Variants in TNNT3 observed in about 807,000 individuals in gnomAD.
TNNT3 encodes the protein troponin T, fast skeletal muscle.
Under a neutral mutation model 54.2 loss-of-function variants are expected in TNNT3, and 36 were observed. That is an observed-to-expected ratio of 0.66 (90% CI 0.51 to 0.88). The LOEUF is 0.88. TNNT3 is among the 40% of genes least tolerant of loss of function. The pLI, the probability that TNNT3 is intolerant of heterozygous loss-of-function variation, is 0.00. For missense variants in TNNT3, 291 were observed against 331.6 expected (o/e 0.88, Z 0.95); for synonymous variants, 120 against 109.7 (o/e 1.09, Z -0.59).
At chr11:1,936,158 C>A in intron 14 of TNNT3, 15 of 1,601,846 alleles carry the variant, frequency 9.4e-6, no homozygotes, top group Non-Finnish European at 1.3e-5. Flanking sequence ...AGCCCACAGC[C>A]GGGCCTCGAT....
chr11:1,937,996 G>A (rs1398764777), intron 15 of TNNT3, among the ~76,000 whole-genome samples: 1 of 152,144 alleles, frequency 6.6e-6, no homozygotes, highest in Non-Finnish European at 1.5e-5. Context: ...CCCCTCACCC[G>A]CACCCAGCTC....
chr11:1,936,091 G>C, intron 14 of TNNT3: 1 of 1,049,252 alleles, frequency 9.5e-7, no homozygotes, highest in Admixed American at 1.9e-5. Context: ...GGATAGATGC[G>C]GCCACAGCGG....
intron 4 of TNNT3, among the ~76,000 whole-genome samples, chr11:1,924,529 T>C (rs1850967971): frequency 1.3e-5 from 2 of 152,352 alleles, no homozygotes; most frequent in Non-Finnish European, 1.5e-5. Flanking sequence ...AAAACATTTA[T>C]TTTTCTGCCG....
At chr11:1,924,545 G>T (rs1463743700) in intron 4 of TNNT3, among the ~76,000 whole-genome samples, 1 of 152,256 alleles carries the variant, frequency 6.6e-6, no homozygotes, top group Non-Finnish European at 1.5e-5. Context: ...TGCCGAAAAG[G>T]TGGAAAGACT....
rs1041249353 is a variant in TNNT3 at position 1,925,354 on chromosome 11, G to T, written c.67+238G>T. 5 of 1,503,460 alleles carry T rather than the reference G, an allele frequency of 3.3e-6. No individual in the cohort carries two copies. In the African/African-American group the frequency reaches 7.0e-5, roughly 21 times the overall value. 93.1% of individuals were successfully genotyped at this position (1,503,460 alleles called of 1,614,324 possible). A position where few individuals can be genotyped will look rare whatever the true frequency, so the allele number is the denominator to read the frequency against. ...AGCCCATGTGGGGGTGGGGGAGAGG[G>T]GGAGAGGGTGGGGAAGCCACGAGGT... On this transcript the variant is annotated intron_variant, in intron 5 of 15. Coordinates refer to ENST00000278317, the MANE Select transcript of TNNT3 (RefSeq NM_006757.4).
chr11:1,920,938 G>T (rs1849963785), intron 1 of TNNT3, among the ~76,000 whole-genome samples: 1 of 152,146 alleles, frequency 6.6e-6, no homozygotes, highest in Admixed American at 6.5e-5. Flanking sequence ...CAGAAAACCA[G>T]GTGCCTCAGT....
At chr11:1,932,581 C>A (rs1203807315) in intron 9 of TNNT3, 67 bp downstream of exon 9, 3 of 1,525,636 alleles carry the variant, frequency 2.0e-6, no homozygotes, top group African/African-American at 2.7e-5. Flanking sequence ...GGGCTCTAGG[C>A]CTCAGAAGGT....
intron 9 of TNNT3, among the ~76,000 whole-genome samples, chr11:1,933,221 C>T (rs139322697): frequency 6.8e-6 from 1 of 147,176 alleles, no homozygotes; most frequent in African/African-American, 2.5e-5. Flanking sequence ...AATCATTCCT[C>T]CACCCATCTA....
intron 6 of TNNT3, among the ~76,000 whole-genome samples, chr11:1,926,942 A>T (rs1851783812): frequency 6.6e-6 from 1 of 152,256 alleles, no homozygotes; most frequent in Non-Finnish European, 1.5e-5. Flanking sequence ...GCCTGGGGAC[A>T]ATGAGGCCCT....
chr11:1,926,089 C>T (rs1490848695), intron 5 of TNNT3, among the ~76,000 whole-genome samples: 1 of 152,156 alleles, frequency 6.6e-6, no homozygotes, highest in Non-Finnish European at 1.5e-5. Flanking sequence ...CGCACGTGGG[C>T]CTTGGTGCCC....
In TNNT3 at chr11:1,934,829, G is replaced by T. The variant is rs778900138; in HGVS notation, c.591G>T (p.Arg197Ser). Residue 197 changes from arginine to serine, a missense_variant and splice_region_variant, in exon 14 of 16, where the codon AGG becomes AGT. Coordinates refer to ENST00000278317, the MANE Select transcript of TNNT3 (RefSeq NM_006757.4). The part of the protein sequence containing the change: ...NIDHLGEDKL[R>S]DKAKELWETL... ...AGCCTCACCACTTCCTCTGCCCCAG[G>T]GACAAGGCCAAGGAGCTCTGGGAGA... The T allele has an allele frequency of 1.2e-6, 2 of 1,613,362 alleles. No homozygotes were observed. Among genetic ancestry groups the T allele is most frequent in the Non-Finnish European group, 1.7e-6 (2 of 1,179,990 alleles).
chr11:1,925,066 C>T, intron 4 of TNNT3, 33 bp from the exon 5 acceptor site: 1 of 1,611,858 alleles, frequency 6.2e-7, no homozygotes, highest in East Asian at 2.2e-5. Flanking sequence ...CTCAACCCCG[C>T]CTTCTCCTGC....
chr11:1,935,125 GCC>G, intron 14 of TNNT3: 1 of 647,788 alleles, frequency 1.5e-6, no homozygotes, highest in South Asian at 1.7e-5. Context: ...CTCCTGGCTG[GCC>G]ATGCAGCGCC....
Position 1,934,847 on chromosome 11 carries a change from C to T in TNNT3, c.609C>T (p.Leu203=), listed in dbSNP as rs770582695. The T allele has an allele frequency of 1.9e-6, 3 of 1,613,446 alleles. No individual in the cohort carries two copies. In the South Asian group the frequency reaches 3.3e-5, roughly 18 times the overall value. The change falls in exon 14 of 16, where the codon CTC becomes CTT. Residue 203 remains leucine (L), a synonymous_variant. Coordinates refer to ENST00000278317, the MANE Select transcript of TNNT3 (RefSeq NM_006757.4). ...GCCCCAGGGACAAGGCCAAGGAGCT[C>T]TGGGAGACCCTGCACCAGCTGGAGA... ...EDKLRDKAKE[L]WETLHQLEID... is the part of the protein sequence containing the mutation.
At chr11:1,936,148 A>G in intron 14 of TNNT3, 2 of 1,587,588 alleles carry the variant, frequency 1.3e-6, no homozygotes, top group South Asian at 2.2e-5. Context: ...AGGCCAAGCT[A>G]GCCCACAGCC....
Position 1,933,918 on chromosome 11 carries a change from T to G in TNNT3, c.289-13T>G. The stretch of plus-strand genomic sequence containing the variant: ...GGGGACAGGGCTGAGCAGACCCCCT[T>G]CTCTGGCTGCAGGAGAAGCGCCGTG... On this transcript the variant is annotated splice_polypyrimidine_tract_variant and intron_variant, in intron 10 of 15. Coordinates refer to ENST00000278317, the MANE Select transcript of TNNT3 (RefSeq NM_006757.4). 6.2e-7 allele frequency: 1 copy of G among 1,612,744 alleles called. No homozygotes were observed. The highest frequency in any genetic ancestry group is 8.5e-7 in the Non-Finnish European group (1 of 1,179,984).
chr11:1,937,994 C>A (rs534125425), intron 15 of TNNT3, among the ~76,000 whole-genome samples: 2 of 152,336 alleles, frequency 1.3e-5, no homozygotes, highest in Admixed American at 1.3e-4. Flanking sequence ...CACCCCTCAC[C>A]CGCACCCAGC....
chr11:1,922,739 C>A (rs2133233782), intron 1 of TNNT3, 118 bp from the exon 2 acceptor site: 5 of 1,008,540 alleles, frequency 5.0e-6, no homozygotes, highest in Non-Finnish European at 7.6e-6. Flanking sequence ...GCCCCCAAAC[C>A]CTGCCCGCGG....
chr11:1,936,666 C>T (rs548191728), intron 14 of TNNT3, among the ~76,000 whole-genome samples: 98 of 152,354 alleles, frequency 6.4e-4, no homozygotes, highest in African/African-American at 2.2e-3. Context: ...CCGTACCCCC[C>T]GCCCCACATC....
Sources: allele counts gnomAD v4.1 joint callset (sites outside exome capture counted in the v4.1 genomes callset), GRCh38; gene constraint gnomAD v4.1.1; transcripts MANE v1.5; gene names NCBI Gene and HGNC (gene_info 2026-07-23, HGNC 2026-07-21).